Variants in SPMAP2L observed in about 807,000 individuals in gnomAD.
SPMAP2L encodes the protein sperm microtubule associated protein 2-like.
chr4:56,599,146 A>G, the SPMAP2L span, among the ~76,000 whole-genome samples: 1 of 152,034 alleles, frequency 6.6e-6, no homozygotes, highest in African/African-American at 2.4e-5. Flanking sequence ...GAATACACTA[A>G]GTGTGTGTAT....
the SPMAP2L span, among the ~76,000 whole-genome samples, chr4:56,604,857 T>C: frequency 6.6e-6 from 1 of 152,096 alleles, no homozygotes; most frequent in East Asian, 1.9e-4. Flanking sequence ...TTGCAGCAAC[T>C]TGGATGGAGT....
At chr4:56,604,187 A>G in the SPMAP2L span, among the ~76,000 whole-genome samples, 2 of 152,204 alleles carry the variant, frequency 1.3e-5, no homozygotes, top group African/African-American at 4.8e-5. Context: ...AATCAGATAG[A>G]ACCTGAAGTT....
chr4:56,547,262 G>A, the SPMAP2L span, among the ~76,000 whole-genome samples: 1 of 122,378 alleles, frequency 8.2e-6, no homozygotes, highest in Non-Finnish European at 1.7e-5. Flanking sequence ...TTTTTTTTGA[G>A]ATGGAGTTGT....
the SPMAP2L span, chr4:56,531,244 C>T: frequency 2.1e-6 from 3 of 1,450,634 alleles, no homozygotes; most frequent in Non-Finnish European, 1.8e-6. Context: ...AGCACCCACG[C>T]CCCATCTAGA....
the SPMAP2L span, among the ~76,000 whole-genome samples, chr4:56,576,115 GTGTACAGT>G: frequency 1.3e-5 from 2 of 152,212 alleles, no homozygotes; most frequent in Non-Finnish European, 2.9e-5. Flanking sequence ...AATATATACA[GTGTACAGT>G]TGTGGAGAGG....
the SPMAP2L span, chr4:56,531,243 G>A: frequency 6.9e-7 from 1 of 1,451,998 alleles, no homozygotes; most frequent in East Asian, 2.5e-5. Context: ...GAGCACCCAC[G>A]CCCCATCTAG....
the SPMAP2L span, chr4:56,600,884 G>A: frequency 1.3e-6 from 2 of 1,495,596 alleles, no homozygotes; most frequent in East Asian, 2.5e-5. Flanking sequence ...TAGACATAGA[G>A]AAATGTAAAA....
At chr4:56,573,095 G>A in the SPMAP2L span, among the ~76,000 whole-genome samples, 1 of 151,974 alleles carries the variant, frequency 6.6e-6, no homozygotes, top group Non-Finnish European at 1.5e-5. Flanking sequence ...ACTCTGGGAG[G>A]AGGAGAAGCA....
the SPMAP2L span, among the ~76,000 whole-genome samples, chr4:56,613,612 C>T: frequency 6.6e-6 from 1 of 152,140 alleles, no homozygotes; most frequent in South Asian, 2.1e-4. Context: ...CAGGAATGTC[C>T]CAGAGCTTGG....
the SPMAP2L span, among the ~76,000 whole-genome samples, chr4:56,588,488 A>G: frequency 6.7e-3 from 1,016 of 150,674 alleles, 11 homozygotes; most frequent in African/African-American, 0.023. Context: ...CTGGAGTGCA[A>G]TGGTGCGATC....
At chr4:56,573,243 T>C in the SPMAP2L span, among the ~76,000 whole-genome samples, 1 of 152,230 alleles carries the variant, frequency 6.6e-6, no homozygotes, top group Admixed American at 6.5e-5. Flanking sequence ...TAAAATAACA[T>C]ATACACTTCT....
chr4:56,601,998 C>T, the SPMAP2L span, among the ~76,000 whole-genome samples: 1 of 151,972 alleles, frequency 6.6e-6, no homozygotes, highest in Non-Finnish European at 1.5e-5. Flanking sequence ...CTTTGGGGGC[C>T]TAGGGAATTG....
At chr4:56,549,276 C>T in the SPMAP2L span, among the ~76,000 whole-genome samples, 173 of 152,222 alleles carry the variant, frequency 1.1e-3, 1 homozygote, top group African/African-American at 3.9e-3. Flanking sequence ...GGTGAGCCAT[C>T]GTGCCTAGCT....
chr4:56,538,042 C>A, the SPMAP2L span, among the ~76,000 whole-genome samples: 1 of 152,174 alleles, frequency 6.6e-6, no homozygotes. Flanking sequence ...TGTGTCTACT[C>A]TTGTCCCCTG....
the SPMAP2L span, among the ~76,000 whole-genome samples, chr4:56,567,442 GTTTTTTTTTTTTT>G: frequency 2.7e-4 from 18 of 65,582 alleles, no homozygotes; most frequent in African/African-American, 9.7e-4. Flanking sequence ...AATTTTGGTG[GTTTTTTTTTTTTT>G]TTTTTTTTTT....
At chr4:56,539,224 A>T in the SPMAP2L span, among the ~76,000 whole-genome samples, 4 of 151,806 alleles carry the variant, frequency 2.6e-5, no homozygotes, top group Non-Finnish European at 5.9e-5. Flanking sequence ...TACTATGTTT[A>T]TGGTGTAGGT....
At chr4:56,602,480 C>G in the SPMAP2L span, among the ~76,000 whole-genome samples, 3 of 152,062 alleles carry the variant, frequency 2.0e-5, no homozygotes, top group Non-Finnish European at 4.4e-5. Context: ...ATCACTTGAG[C>G]CCAGGAGTTT....
the SPMAP2L span, among the ~76,000 whole-genome samples, chr4:56,580,947 C>T: frequency 4.6e-5 from 7 of 152,002 alleles, no homozygotes; most frequent in South Asian, 4.1e-4. Context: ...AAGAAAATTC[C>T]GACACATTCT....
the SPMAP2L span, among the ~76,000 whole-genome samples, chr4:56,611,033 G>C: frequency 1.3e-5 from 2 of 152,194 alleles, no homozygotes; most frequent in Non-Finnish European, 2.9e-5. Flanking sequence ...AAAACAGTGT[G>C]GAGATCCCTT....
Sources: allele counts gnomAD v4.1 joint callset (sites outside exome capture counted in the v4.1 genomes callset), GRCh38; gene constraint gnomAD v4.1.1; transcripts MANE v1.5; gene names NCBI Gene and HGNC (gene_info 2026-07-23, HGNC 2026-07-21).